TENM1: variants seen among roughly 807,000 people sequenced by gnomAD.
TENM1 encodes the protein teneurin-1.
Under a neutral mutation model 174.8 loss-of-function variants are expected in TENM1, and 35 were observed. The observed-to-expected ratio is 0.20, with a 90% CI of 0.15 to 0.27. TENM1 has a LOEUF of 0.27. Among genes scored for constraint, TENM1 ranks in the 10% least tolerant of loss-of-function variants. The pLI is 1.00. For synonymous variants in TENM1, 781 were observed against 798.7 expected (o/e 0.98, Z 0.37); for missense variants, 1,633 against 2,130.1 (o/e 0.77, Z 4.59).
chrX:124,483,850 A>G (rs1460327522), intron 21 of TENM1, among the ~76,000 whole-genome samples: 1 of 111,898 alleles, frequency 8.9e-6, no homozygotes, highest in Non-Finnish European at 1.9e-5. Flanking sequence ...ACAGAAGGAG[A>G]GAAATTAGTA....
At chrX:125,068,221 T>C in the TENM1 span, among the ~76,000 whole-genome samples, 1 of 111,355 alleles carries the variant, frequency 9.0e-6, no homozygotes, top group Non-Finnish European at 1.9e-5. Flanking sequence ...TCAGTTGCCA[T>C]AGCGCTCCCT....
At chrX:124,680,574 T>A (rs5958559) in intron 5 of TENM1, among the ~76,000 whole-genome samples, 23,874 of 109,840 alleles carry the variant, frequency 0.22, 3,484 homozygotes, top group African/African-American at 0.53. Context: ...CACAGCACCA[T>A]TAAGTGCTCT....
intron 27 of TENM1, among the ~76,000 whole-genome samples, chrX:124,393,403 GTT>G (rs201061981): frequency 1.9e-5 from 2 of 106,439 alleles, no homozygotes; most frequent in Admixed American, 1.0e-4. Flanking sequence ...ATCCTCAACT[GTT>G]TTTTTTTGTG....
intron 1 of TENM1, among the ~76,000 whole-genome samples, chrX:124,953,922 G>A (rs904285547): frequency 1.8e-5 from 2 of 111,749 alleles, no homozygotes; most frequent in Non-Finnish European, 3.8e-5. Flanking sequence ...ATAGACCACA[G>A]AAATAGAATG....
chrX:124,999,967 T>C, the TENM1 span, among the ~76,000 whole-genome samples: 2 of 111,403 alleles, frequency 1.8e-5, no homozygotes, highest in Non-Finnish European at 1.9e-5. Flanking sequence ...ATTCAGTTAA[T>C]GCACGACATT....
chrX:124,825,507 A>G (rs2056138773), intron 3 of TENM1, among the ~76,000 whole-genome samples: 2 of 110,576 alleles, frequency 1.8e-5, no homozygotes, highest in Non-Finnish European at 1.9e-5. Context: ...GGACATATCA[A>G]TTTCAAAAGA....
chrX:125,044,915 C>G, the TENM1 span, among the ~76,000 whole-genome samples: 2 of 111,591 alleles, frequency 1.8e-5, no homozygotes, highest in South Asian at 7.5e-4. Flanking sequence ...AGAGAGGGTG[C>G]AACTGCACTA....
intron 4 of TENM1, among the ~76,000 whole-genome samples, chrX:124,721,830 C>T (rs1172411710): frequency 1.8e-5 from 2 of 112,468 alleles, no homozygotes; most frequent in Non-Finnish European, 3.8e-5. Flanking sequence ...CCAGGGTTTA[C>T]AGTTTGAAAT....
rs774858622 is a variant in TENM1, at chrX:124,630,914, G to A, written c.2077+10877C>T. On this transcript the variant is annotated intron_variant, in intron 11 of 31. Transcript: ENST00000422452. The stretch of plus-strand genomic sequence containing the variant: ...GGGTTCGTATTTGTACTCTTTATTT[G>A]GCCTAAAGAATTGCAACATGATATT... Among the ~76,000 whole-genome samples the A allele has an allele frequency of 2.7e-5, 3 of 111,694 alleles. No individual in the cohort carries two copies. The South Asian group carries it at 1.1e-3, about 42-fold the overall frequency.
At chrX:124,463,935 CAT>C (rs1474408174) in intron 22 of TENM1, among the ~76,000 whole-genome samples, 1 of 107,774 alleles carries the variant, frequency 9.3e-6, no homozygotes. Flanking sequence ...TTGAAATGCA[CAT>C]GTCTTGTTTT....
At chrX:124,546,761 A>G in intron 15 of TENM1, 113 bp downstream of exon 18, 1 of 640,757 alleles carries the variant, frequency 1.6e-6, no homozygotes, top group Non-Finnish European at 2.4e-6. Context: ...AAAGAAATGA[A>G]CGTGGATTAT....
intron 3 of TENM1, among the ~76,000 whole-genome samples, chrX:124,884,500 C>T (rs1461637470): frequency 9.0e-6 from 1 of 111,152 alleles, no homozygotes; most frequent in Admixed American, 9.5e-5. Flanking sequence ...TTCTCCATAG[C>T]TAGGACTGCA....
chrX:124,931,883 A>G (rs902751859), intron 1 of TENM1, among the ~76,000 whole-genome samples: 2 of 110,370 alleles, frequency 1.8e-5, no homozygotes, highest in South Asian at 7.8e-4. Context: ...ACACACACAC[A>G]CACACACACA....
intron 11 of TENM1, among the ~76,000 whole-genome samples, chrX:124,586,921 G>A (rs1342681651): frequency 1.2e-4 from 13 of 110,251 alleles, no homozygotes; most frequent in African/African-American, 4.3e-4. Context: ...CAAATCATGA[G>A]TGAACTCCCA....
chrX:124,524,165 T>C (rs2047920661), intron 16 of TENM1, among the ~76,000 whole-genome samples: 1 of 111,372 alleles, frequency 9.0e-6, no homozygotes, highest in Non-Finnish European at 1.9e-5. Context: ...TGTGAGCCAC[T>C]GCGCCCAGCC....
chrX:125,099,115 A>G, the TENM1 span, among the ~76,000 whole-genome samples: 1 of 112,500 alleles, frequency 8.9e-6, no homozygotes, highest in Non-Finnish European at 1.9e-5. Context: ...TCAGTATTTA[A>G]TAAGTGTTAA....
chrX:125,015,946 A>C, the TENM1 span, among the ~76,000 whole-genome samples: 6 of 111,594 alleles, frequency 5.4e-5, no homozygotes, highest in Admixed American at 1.9e-4. Flanking sequence ...ACCTAGAGCT[A>C]AGGAGTAGAA....
intron 3 of TENM1, among the ~76,000 whole-genome samples, chrX:124,820,335 C>T (rs373694516): frequency 9.0e-6 from 1 of 111,293 alleles, no homozygotes; most frequent in Non-Finnish European, 1.9e-5. Context: ...GCCGCCCCCC[C>T]ACCACAGATC....
intron 1 of TENM1, among the ~76,000 whole-genome samples, chrX:124,943,117 T>C (rs1243667494): frequency 9.0e-6 from 1 of 111,641 alleles, no homozygotes; most frequent in Non-Finnish European, 1.9e-5. Flanking sequence ...AGACCCCAGG[T>C]GACTATTAAT....
Sources: allele counts gnomAD v4.1 joint callset (sites outside exome capture counted in the v4.1 genomes callset), GRCh38; gene constraint gnomAD v4.1.1; transcripts MANE v1.5; gene names NCBI Gene and HGNC (gene_info 2026-07-23, HGNC 2026-07-21).